The following LRRC37A variants were observed in gnomAD, a reference collection of about 807,000 sequenced individuals.
The protein encoded by LRRC37A is leucine rich repeat containing 37A.
Under a neutral mutation model 35.4 loss-of-function variants are expected in LRRC37A, and 3 were observed. The observed-to-expected ratio is 0.08, with a 90% CI of 0.04 to 0.22. The LOEUF is 0.22. Ranked by LOEUF, LRRC37A falls within the 10% of genes least tolerant of loss-of-function variation. LRRC37A has a pLI of 1.00. For synonymous variants in LRRC37A, 23 were observed against 215.0 expected (o/e 0.11, Z 7.81); for missense variants, 67 against 565.3 (o/e 0.12, Z 8.94).
At chr17:46,278,409 T>A in the LRRC37A span, among the ~76,000 whole-genome samples, 21 of 104,862 alleles carry the variant, frequency 2.0e-4, no homozygotes, top group Middle Eastern at 5.7e-3. Flanking sequence ...TTGTTTTTTT[T>A]TTGTTGTTGT....
chr17:46,276,203 T>C, the LRRC37A span, among the ~76,000 whole-genome samples: 75 of 152,386 alleles, frequency 4.9e-4, 1 homozygote, highest in African/African-American at 1.8e-3. Context: ...ACAACTTTTG[T>C]CAGTAAACCA....
At chr17:46,284,941 C>A in the LRRC37A span, among the ~76,000 whole-genome samples, 1 of 152,184 alleles carries the variant, frequency 6.6e-6, no homozygotes, top group Non-Finnish European at 1.5e-5. Flanking sequence ...ACGATCATAG[C>A]TCACTGTAGC....
At chr17:46,280,369 C>T in the LRRC37A span, among the ~76,000 whole-genome samples, 1 of 151,636 alleles carries the variant, frequency 6.6e-6, no homozygotes, top group African/African-American at 2.4e-5. Flanking sequence ...GTCTCAAAAA[C>T]ACAAAACAAC....
At chr17:46,288,308 T>C (rs113000339), upstream of LRRC37A, among the ~76,000 whole-genome samples, 3,887 of 111,008 alleles carry the variant, frequency 0.035, no homozygotes, top group Middle Eastern at 0.063. Flanking sequence ...GGCCCGGCTT[T>C]TTTTTTTTTT....
At chr17:46,275,438 G>A in the LRRC37A span, 1 of 895,892 alleles carries the variant, frequency 1.1e-6, no homozygotes, top group Non-Finnish European at 1.7e-6. Context: ...ATAGAAAAAG[G>A]GAACAATTGA....
the LRRC37A span, chr17:46,268,788 G>T: frequency 2.4e-3 from 2,183 of 918,812 alleles, 1 homozygote; most frequent in Non-Finnish European, 3.1e-3. Context: ...TTAGAAGAGA[G>T]CCCAAAGCTA....
At chr17:46,327,346 G>A in intron 7 of LRRC37A, among the ~76,000 whole-genome samples, 1 of 50,652 alleles carries the variant, frequency 2.0e-5, no homozygotes, top group East Asian at 3.8e-4. Context: ...GAAGGCCGAG[G>A]TGGGAGGATT....
the LRRC37A span, among the ~76,000 whole-genome samples, chr17:46,272,930 ACC>A: frequency 0.12 from 18,465 of 152,192 alleles, no homozygotes; most frequent in Non-Finnish European, 0.18. Context: ...AAGACATATT[ACC>A]ACCAACCAAC....
chr17:46,283,157 C>A, the LRRC37A span, among the ~76,000 whole-genome samples: 5,056 of 127,158 alleles, frequency 0.04, no homozygotes, highest in Middle Eastern at 0.095. Context: ...CACAATTCAA[C>A]TGTAATAGAT....
At chr17:46,258,707 C>CTTTTTTTTTTTTTTTTT in the LRRC37A span, among the ~76,000 whole-genome samples, 3 of 81,122 alleles carry the variant, frequency 3.7e-5, no homozygotes, top group African/African-American at 4.9e-5. Flanking sequence ...GACTATTATT[C>CTTTTTTTTTTTTTTTTT]TTTTTTTTTT....
At chr17:46,314,506 G>T (rs1469367360) in intron 5 of LRRC37A, among the ~76,000 whole-genome samples, 1 of 80,294 alleles carries the variant, frequency 1.2e-5, no homozygotes, top group Admixed American at 1.3e-4. Context: ...ATGGAGACGG[G>T]GTTTCAGCAC....
the LRRC37A span, chr17:46,274,975 C>G: frequency 1.8e-4 from 29 of 157,020 alleles, no homozygotes; most frequent in African/African-American, 6.5e-4. Flanking sequence ...TCAATACAAC[C>G]TCTGCCTCCC....
chr17:46,261,057 G>A, the LRRC37A span, among the ~76,000 whole-genome samples: 1 of 152,178 alleles, frequency 6.6e-6, no homozygotes, highest in African/African-American at 2.4e-5. Context: ...GGGGAATCAG[G>A]GGGAAAGGAT....
chr17:46,251,855 T>C, the LRRC37A span, among the ~76,000 whole-genome samples: 5,559 of 133,420 alleles, frequency 0.042, 1 homozygote, highest in Middle Eastern at 0.083. Flanking sequence ...TGGAGGCCCT[T>C]GCTGAGCTTA....
In LRRC37A at chr17:46,323,921, G is replaced by A. The variant is rs1309006237; in HGVS notation, c.3053+894G>A. ...TGTACATACCATTTACACTGTATTA[G>A]GTACTTAGAGTATACCTGAGGCTGT... On this transcript the variant is annotated intron_variant, in intron 7 of 13. Transcript: ENST00000320254. Among the ~76,000 whole-genome samples, 13 of 99,206 alleles carry A rather than the reference G, an allele frequency of 1.3e-4. 6 individuals carry two copies. The South Asian group carries it at 6.7e-3, about 51-fold the overall frequency. The allele number at this position is 99,206 out of a possible 152,430, so 65.1% of individuals were successfully genotyped here. A position where few individuals can be genotyped will look rare whatever the true frequency, so the allele number is the denominator to read the frequency against.
exon 9 of LRRC37A, chr17:46,330,843 G>C (rs767279570): frequency 9.8e-6 from 7 of 717,858 alleles, no homozygotes; most frequent in Middle Eastern, 7.3e-4. Flanking sequence ...AGCATCAGGA[G>C]GGAACAGGGT....
intron 7 of LRRC37A, among the ~76,000 whole-genome samples, chr17:46,327,215 C>T (rs2051785053): frequency 1.3e-5 from 1 of 78,078 alleles, no homozygotes. Flanking sequence ...CTTCCTGCCT[C>T]GTAACCGCAG....
chr17:46,264,723 T>C, the LRRC37A span, among the ~76,000 whole-genome samples: 2 of 152,228 alleles, frequency 1.3e-5, no homozygotes, highest in South Asian at 2.1e-4. Flanking sequence ...CACTGGACTC[T>C]GGTGAGTTCT....
At chr17:46,281,424 C>G in the LRRC37A span, among the ~76,000 whole-genome samples, 1 of 152,110 alleles carries the variant, frequency 6.6e-6, no homozygotes, top group South Asian at 2.1e-4. Context: ...GGGTCTCAAT[C>G]TGTGATTCAG....
Sources: allele counts gnomAD v4.1 joint callset (sites outside exome capture counted in the v4.1 genomes callset), GRCh38; gene constraint gnomAD v4.1.1; transcripts MANE v1.5; gene names NCBI Gene and HGNC (gene_info 2026-07-23, HGNC 2026-07-21).